ZFHX3: variants seen among roughly 807,000 people sequenced by gnomAD.
The protein encoded by ZFHX3 is zinc finger homeobox protein 3.
Under a neutral mutation model 279.1 loss-of-function variants are expected in ZFHX3, and 42 were observed. The observed-to-expected ratio is 0.15, with a 90% CI of 0.12 to 0.19. The LOEUF is 0.19. Among genes scored for constraint, ZFHX3 ranks in the 10% least tolerant of loss-of-function variants. The pLI is 1.00. For missense variants in ZFHX3, 4,981 were observed against 4,754.0 expected (o/e 1.05, Z -1.40); for synonymous variants, 2,293 against 1,957.8 (o/e 1.17, Z -4.52).
At chr16:73,290,928 C>G (rs1035573325) in intron 4 of ZFHX3, among the ~76,000 whole-genome samples, 20 of 152,174 alleles carry the variant, frequency 1.3e-4, no homozygotes, top group African/African-American at 4.8e-4. Context: ...ACATAGAGAA[C>G]TAGAAAACAT....
At chr16:73,055,129 CT>C (rs879447390) in intron 1 of ZFHX3, among the ~76,000 whole-genome samples, 111 of 145,076 alleles carry the variant, frequency 7.7e-4, no homozygotes, top group Middle Eastern at 3.6e-3. Context: ...TTTTCTCTCT[CT>C]TTTTTTTTTT....
chr16:73,031,052 T>C (rs1219991659), intron 1 of ZFHX3, among the ~76,000 whole-genome samples: 4 of 152,176 alleles, frequency 2.6e-5, no homozygotes, highest in African/African-American at 4.8e-5. Context: ...TTCTTACCAA[T>C]CCATAAAAAG....
intron 4 of ZFHX3, among the ~76,000 whole-genome samples, chr16:72,862,171 T>A (rs988422457): frequency 6.6e-6 from 1 of 152,142 alleles, no homozygotes; most frequent in South Asian, 2.1e-4. Context: ...GCTGAATACC[T>A]CCAAGGGTTT....
intron 2 of ZFHX3, among the ~76,000 whole-genome samples, chr16:73,559,827 C>G (rs957648768): frequency 6.6e-6 from 1 of 152,296 alleles, no homozygotes; most frequent in Admixed American, 6.5e-5. Flanking sequence ...GCAGCAGCAT[C>G]TGGACCTGAT....
At chr16:73,060,251 G>A (rs1172377198), upstream of ZFHX3, 4 of 141,620 alleles carry the variant, frequency 2.8e-5, no homozygotes, top group South Asian at 9.0e-4. Context: ...AAGCCTTACA[G>A]CTACCTCCAA....
At chr16:73,521,565 C>T (rs901792188) in intron 2 of ZFHX3, among the ~76,000 whole-genome samples, 4 of 152,032 alleles carry the variant, frequency 2.6e-5, no homozygotes, top group Non-Finnish European at 4.4e-5. Context: ...GTCCCCAAGC[C>T]CCACATCACT....
chr16:73,231,240 C>G (rs565785388), intron 5 of ZFHX3, among the ~76,000 whole-genome samples: 16 of 152,306 alleles, frequency 1.1e-4, no homozygotes, highest in Admixed American at 5.2e-4. Context: ...TCCCCAAAGC[C>G]AAGAGGCGCT....
intron 6 of ZFHX3, among the ~76,000 whole-genome samples, chr16:73,133,278 T>C (rs1196484774): frequency 1.3e-5 from 2 of 152,144 alleles, no homozygotes; most frequent in African/African-American, 4.8e-5. Context: ...TCCCAGCACT[T>C]TGGGAGGCTG....
At chr16:73,014,515 C>CTTTTTTTT (rs1567633191) in intron 1 of ZFHX3, 2 of 95,344 alleles carry the variant, frequency 2.1e-5, no homozygotes, top group Admixed American at 1.2e-4. Context: ...GTAATTTCTT[C>CTTTTTTTT]TTCTTTTTTT....
chr16:73,118,796 G>A (rs1049021572), intron 7 of ZFHX3, among the ~76,000 whole-genome samples: 3 of 152,188 alleles, frequency 2.0e-5, no homozygotes, highest in African/African-American at 7.2e-5. Context: ...ATGAGTACAT[G>A]TTGAGTAGCC....
intron 2 of ZFHX3, among the ~76,000 whole-genome samples, chr16:73,514,091 AC>A (rs1208345414): frequency 2.0e-5 from 3 of 152,098 alleles, no homozygotes; most frequent in Non-Finnish European, 4.4e-5. Flanking sequence ...TACTAAAAAT[AC>A]AAAAAATTAG....
chr16:73,449,845 T>C (rs898510712), intron 3 of ZFHX3, among the ~76,000 whole-genome samples: 17 of 152,198 alleles, frequency 1.1e-4, no homozygotes, highest in Admixed American at 6.5e-4. Context: ...CCATTTTTTT[T>C]CTCTTAATCA....
intron 7 of ZFHX3, chr16:72,807,454 T>C (rs541374443): frequency 1.3e-5 from 2 of 152,270 alleles, no homozygotes; most frequent in South Asian, 4.1e-4. Context: ...AGGGGGCCCA[T>C]GGAAGACATA....
chr16:73,657,515 T>C (rs528811906), intron 2 of ZFHX3, among the ~76,000 whole-genome samples: 4 of 152,312 alleles, frequency 2.6e-5, no homozygotes, highest in African/African-American at 4.8e-5. Context: ...CTCAGAGTTA[T>C]GCAACCATCA....
intron 5 of ZFHX3, among the ~76,000 whole-genome samples, chr16:73,192,088 C>T (rs1968051181): frequency 6.6e-6 from 1 of 152,104 alleles, no homozygotes. Flanking sequence ...CCGAGGGGAT[C>T]TGGGGACAGA....
At chr16:73,473,532 C>T (rs928202235) in intron 2 of ZFHX3, among the ~76,000 whole-genome samples, 2 of 151,976 alleles carry the variant, frequency 1.3e-5, no homozygotes, top group Non-Finnish European at 2.9e-5. Context: ...TCGACTCATT[C>T]GAATTATATG....
At chr16:72,948,582 C>A (rs1436925248) in intron 3 of ZFHX3, among the ~76,000 whole-genome samples, 1 of 152,128 alleles carries the variant, frequency 6.6e-6, no homozygotes, top group Non-Finnish European at 1.5e-5. Context: ...AGTCAAGTGC[C>A]TGACAGACTC....
At chr16:73,744,285 G>A (rs1439438313) in intron 1 of ZFHX3, among the ~76,000 whole-genome samples, 4 of 152,204 alleles carry the variant, frequency 2.6e-5, no homozygotes, top group Admixed American at 2.0e-4. Flanking sequence ...CACAGATGGT[G>A]CTTGACAGAG....
At chr16:73,327,893 T>G (rs2015725118) in intron 3 of ZFHX3, among the ~76,000 whole-genome samples, 1 of 152,192 alleles carries the variant, frequency 6.6e-6, no homozygotes, top group African/African-American at 2.4e-5. Flanking sequence ...AATGCCTCAA[T>G]TCTCCATGGA....
Sources: gnomAD v4.1 joint callset for allele counts (sites outside exome capture counted in the v4.1 genomes callset) on GRCh38, gnomAD v4.1.1 for gene constraint, MANE v1.5 for transcripts, NCBI Gene and HGNC (gene_info 2026-07-23, HGNC 2026-07-21) for gene names.